The following VAV2 variants were observed in gnomAD, a reference collection of about 807,000 sequenced individuals.
VAV2 encodes vav guanine nucleotide exchange factor 2.
In VAV2, 67 loss-of-function variants were observed where a neutral mutation model predicts 132.5. That is an observed-to-expected ratio of 0.51 (90% confidence interval 0.42 to 0.62). The LOEUF is 0.62. Ranked by LOEUF, VAV2 falls within the 20% of genes least tolerant of loss-of-function variation. The pLI is 0.00. For missense variants in VAV2, 938 were observed against 1,153.6 expected (o/e 0.81, Z 2.71); for synonymous variants, 492 against 443.5 (o/e 1.11, Z -1.37).
chr9:133,794,624 A>AG lies in VAV2; in HGVS notation c.1101+1043dup, dbSNP rs1486770106. Among the ~76,000 whole-genome samples, 2 of 152,190 alleles carry AG rather than the reference A, an allele frequency of 1.3e-5. No homozygotes were observed. The highest frequency in any genetic ancestry group is 2.4e-5 in the African/African-American group (1 of 41,460). ...AGCCCAGGGGGGCTGCCCAGAGGGCAGGGGCCAGGTGTCAGAGGGCAGGAC... is the reference window on the plus strand; with the variant it reads ...AGCCCAGGGGGGCTGCCCAGAGGGCAGGGGGCCAGGTGTCAGAGGGCAGGAC... On this transcript the variant is annotated intron_variant, in intron 12 of 29. Coordinates refer to ENST00000371850, the MANE Select transcript of VAV2 (RefSeq NM_001134398.2). The surrounding 1 kb of genome is among the most constrained non-coding windows in gnomAD (Gnocchi z 4.6).
chr9:133,846,692 G>A (rs933267513), intron 3 of VAV2, among the ~76,000 whole-genome samples: 7 of 152,218 alleles, frequency 4.6e-5, no homozygotes, highest in African/African-American at 7.2e-5. Flanking sequence ...TCAGTGAGGC[G>A]CACAGACCAC....
intron 2 of VAV2, among the ~76,000 whole-genome samples, chr9:133,886,587 G>A (rs777704089): frequency 3.5e-4 from 53 of 152,162 alleles, no homozygotes; most frequent in Non-Finnish European, 6.2e-4. Context: ...CCTGTGTCTG[G>A]GGGGTGCAAA....
chr9:133,795,626 G>A (rs754758896), intron 12 of VAV2, 42 bp downstream of exon 12: 3 of 1,610,620 alleles, frequency 1.9e-6, no homozygotes, highest in Non-Finnish European at 2.5e-6. Flanking sequence ...CACGGGCTAA[G>A]CCAGACGGTG....
chr9:133,782,594 T>C (rs1834050181), intron 19 of VAV2, among the ~76,000 whole-genome samples: 1 of 152,246 alleles, frequency 6.6e-6, no homozygotes. Context: ...TTCTGGGCAA[T>C]GGCGTCTCTG....
intron 11 of VAV2, 79 bp downstream of exon 11, chr9:133,796,350 T>C (rs2131635709): frequency 7.8e-7 from 1 of 1,282,564 alleles, no homozygotes; most frequent in African/African-American, 1.5e-5. Context: ...GGCTGCAACC[T>C]ATACCCCCTG....
intron 1 of VAV2, among the ~76,000 whole-genome samples, chr9:133,971,945 C>T (rs1842349093): frequency 6.6e-6 from 1 of 152,142 alleles, no homozygotes; most frequent in Non-Finnish European, 1.5e-5. Flanking sequence ...GGGCAGAAAA[C>T]AACCTCAAGG....
intron 2 of VAV2, among the ~76,000 whole-genome samples, chr9:133,903,079 A>G (rs79853196): frequency 0.012 from 1,201 of 97,612 alleles, 19 homozygotes; most frequent in African/African-American, 0.052. Context: ...CTGCCCCAGG[A>G]AAAAAAAAAA....
At position 133,802,281 on chromosome 9, in the gene VAV2, C is replaced by T. The variant is rs1223898646; in HGVS notation, c.836+3800G>A. Among the ~76,000 whole-genome samples the T allele has an allele frequency of 6.6e-6, 1 of 151,614 alleles. No individual in the cohort carries two copies. Among genetic ancestry groups the T allele is most frequent in the Non-Finnish European group, 1.5e-5 (1 of 67,976 alleles). On this transcript the variant is annotated intron_variant, in intron 9 of 29. Coordinates refer to ENST00000371850, the MANE Select transcript of VAV2 (RefSeq NM_001134398.2). The surrounding 1 kb of genome is among the most constrained non-coding windows in gnomAD (Gnocchi z 5.8). The stretch of plus-strand genomic sequence containing the variant: ...ACACACGGGCACACATGTATGCACA[C>T]ACACACACATGCATGTGCACACAAA...
rs139103133 is a variant in VAV2 at position 133,774,776 on chromosome 9, G to C, written c.2135+159C>G. Among the ~76,000 whole-genome samples, 139 of 152,196 alleles carry C rather than the reference G, an allele frequency of 9.1e-4. No homozygotes were observed. The highest frequency in any genetic ancestry group is 8.5e-4 in the Non-Finnish European group (58 of 67,996). Reference sequence around the variant, plus strand: ...CCCAGCACACCTGTAGAGACCCCCTGACCCCTCAGCACCGCTTTCATCTCA... The same window carrying C: ...CCCAGCACACCTGTAGAGACCCCCTCACCCCTCAGCACCGCTTTCATCTCA... On this transcript the variant is annotated intron_variant, in intron 25 of 29. Transcript: ENST00000371850.
intron 29 of VAV2, among the ~76,000 whole-genome samples, chr9:133,765,214 C>A: frequency 6.6e-6 from 1 of 152,192 alleles, no homozygotes; most frequent in East Asian, 1.9e-4. Context: ...AAAACTAGTA[C>A]ATGAAAGTTT....
rs1838566720 is a variant in VAV2 at position 133,883,146 on chromosome 9, A to G, written c.322-21714T>C. Among the ~76,000 whole-genome samples the G allele has an allele frequency of 6.6e-6, 1 of 152,214 alleles. No homozygotes were observed. The highest frequency in any genetic ancestry group is 6.5e-5 in the Admixed American group (1 of 15,286). On this transcript the variant is annotated intron_variant, in intron 2 of 29. Transcript: ENST00000371850. This position sits in a 1 kb window ranked among gnomAD's most constrained non-coding sequence, Gnocchi z 4.2. ...TCCTTCCCTCCTAATTGGCATGGAA[A>G]GTCAAGTCCCTGAGCCTGCAAAAGA...
intron 29 of VAV2, 143 bp from the exon 30 acceptor site, chr9:133,764,252 G>C: frequency 9.7e-7 from 1 of 1,031,594 alleles, no homozygotes; most frequent in African/African-American, 1.6e-5. Flanking sequence ...GAAGGACCTG[G>C]TGGAACCATT....
intron 4 of VAV2, among the ~76,000 whole-genome samples, chr9:133,832,358 G>A (rs764462756): frequency 1.1e-4 from 17 of 152,162 alleles, no homozygotes; most frequent in Non-Finnish European, 2.4e-4. Flanking sequence ...TTCCAACTCT[G>A]AGCATAGCAA....
chr9:133,965,576 C>A (rs1367778674), intron 1 of VAV2, among the ~76,000 whole-genome samples: 1 of 150,760 alleles, frequency 6.6e-6, no homozygotes, highest in African/African-American at 2.4e-5. Flanking sequence ...TAAATTTAAC[C>A]AAGGAGGTGA....
intron 10 of VAV2, 142 bp downstream of exon 10, chr9:133,797,568 A>C (rs72762835): frequency 0.022 from 16,667 of 754,720 alleles, 241 homozygotes; most frequent in Non-Finnish European, 0.028. Flanking sequence ...AAAAAGAAAA[A>C]TCTACAAAAA....
Position 133,876,980 on chromosome 9 carries a change from G to A in VAV2, c.322-15548C>T, listed in dbSNP as rs887598474. Among the ~76,000 whole-genome samples, 7 of 152,124 alleles carry A rather than the reference G, an allele frequency of 4.6e-5. No individual in the cohort carries two copies. In the South Asian group the frequency reaches 8.3e-4, roughly 18 times the overall value. The stretch of plus-strand genomic sequence containing the variant: ...GAAGGCAGGGGATGCCAGGGCTGGC[G>A]TCTGGGCAAGGCTGAGCTTAAACCC... On this transcript the variant is annotated intron_variant, in intron 2 of 29. Coordinates refer to ENST00000371850, the MANE Select transcript of VAV2 (RefSeq NM_001134398.2).
chr9:133,889,003 G>A (rs138428632), intron 2 of VAV2, among the ~76,000 whole-genome samples: 85 of 152,294 alleles, frequency 5.6e-4, no homozygotes, highest in African/African-American at 1.1e-3. Context: ...GGGACACCGC[G>A]TCCCCGTCCC....
At chr9:133,917,716 C>A (rs563711884) in intron 2 of VAV2, among the ~76,000 whole-genome samples, 69 of 152,334 alleles carry the variant, frequency 4.5e-4, no homozygotes, top group African/African-American at 1.6e-3. Context: ...CCAGGCCGGG[C>A]ATCCAGTTGA....
At chr9:133,771,552 G>GT (rs1833625661) in intron 26 of VAV2, among the ~76,000 whole-genome samples, 1 of 152,202 alleles carries the variant, frequency 6.6e-6, no homozygotes, top group South Asian at 2.1e-4. Flanking sequence ...GGGACAGAGG[G>GT]TGGGGGTGAG....
Sources: allele counts gnomAD v4.1 joint callset (sites outside exome capture counted in the v4.1 genomes callset), GRCh38; gene constraint gnomAD v4.1.1; non-coding constraint Gnocchi (gnomAD v3.1); transcripts MANE v1.5; gene names NCBI Gene and HGNC (gene_info 2026-07-23, HGNC 2026-07-21).